EYS: variants seen among roughly 807,000 people sequenced by gnomAD.
The protein encoded by EYS is EGF-like photoreceptor maintenance factor, also known as protein eyes shut homolog.
A neutral mutation model predicts 282.1 loss-of-function variants in EYS; 250 were observed. The ratio of observed to expected loss-of-function variants is 0.89; its 90% CI spans 0.80 to 0.98. The LOEUF is 0.98. EYS is among the 50% of genes least tolerant of loss of function. The pLI is 0.00. For missense variants in EYS, 4,016 were observed against 3,709.0 expected, an observed-to-expected ratio of 1.08 and a Z score of -2.15; for synonymous variants, 1,355 against 1,282.9, an observed-to-expected ratio of 1.06 and a Z score of -1.20.
chr6:64,032,581 T>C (rs1769904884), intron 33 of EYS, among the ~76,000 whole-genome samples: 1 of 152,204 alleles, frequency 6.6e-6, no homozygotes, highest in South Asian at 2.1e-4. Flanking sequence ...ACAAGACTAA[T>C]CCTTGCTTCA....
rs191073648 is a variant in EYS, at chr6:65,150,831, C to T, written c.2024-93104G>A. Among the ~76,000 whole-genome samples the T allele has an allele frequency of 5.8e-4, 88 of 151,892 alleles. 1 individual carries two copies. Among genetic ancestry groups the T allele is most frequent in the Admixed American group, 2.5e-3 (38 of 15,216 alleles). On this transcript the variant is annotated intron_variant, in intron 12 of 42. Transcript: ENST00000503581. ...ATTTATTGTTTAATAATGTTTAATA[C>T]TTATTGATTATTACCAATTCTATCT...
chr6:64,405,754 A>G (rs1773686636), intron 28 of EYS, among the ~76,000 whole-genome samples: 1 of 152,208 alleles, frequency 6.6e-6, no homozygotes, highest in Non-Finnish European at 1.5e-5. Flanking sequence ...TAAAATACCT[A>G]GGATTCAAAC....
intron 14 of EYS, among the ~76,000 whole-genome samples, 184 bp from the exon 15 acceptor site, chr6:64,946,098 A>G (rs1384320542): frequency 6.6e-6 from 1 of 152,060 alleles, no homozygotes; most frequent in Non-Finnish European, 1.5e-5. Flanking sequence ...AGTATTCTTT[A>G]GTATCTAATT....
chr6:63,813,378 T>C (rs1582233243), intron 36 of EYS, among the ~76,000 whole-genome samples: 1 of 152,234 alleles, frequency 6.6e-6, no homozygotes, highest in African/African-American at 2.4e-5. Flanking sequence ...TTGAAAATAA[T>C]GTCTTCTTTA....
chr6:63,727,725 A>ATAT (rs1172717557), intron 41 of EYS, among the ~76,000 whole-genome samples: 18 of 62,684 alleles, frequency 2.9e-4, no homozygotes, highest in African/African-American at 2.2e-3. Context: ...AAAAAAAAAA[A>ATAT]AAAAAAAAAA....
At chr6:64,805,648 G>C (rs1306821672) in intron 22 of EYS, among the ~76,000 whole-genome samples, 2 of 151,250 alleles carry the variant, frequency 1.3e-5, no homozygotes, top group Non-Finnish European at 3.0e-5. Flanking sequence ...AGTTCCAAAA[G>C]TTATGCAAAA....
chr6:63,737,906 C>T (rs1247992095), intron 41 of EYS, among the ~76,000 whole-genome samples: 1 of 151,924 alleles, frequency 6.6e-6, no homozygotes, highest in Non-Finnish European at 1.5e-5. Flanking sequence ...ACAAACAACC[C>T]CATCAAAAAG....
intron 5 of EYS, among the ~76,000 whole-genome samples, chr6:65,461,732 A>T (rs558167849): frequency 1.3e-5 from 2 of 152,108 alleles, no homozygotes; most frequent in African/African-American, 4.8e-5. Context: ...ATTTTATATC[A>T]CAAGCTGCTT....
intron 5 of EYS, among the ~76,000 whole-genome samples, chr6:65,474,970 T>C (rs1315380107): frequency 2.0e-5 from 3 of 151,998 alleles, no homozygotes; most frequent in Non-Finnish European, 2.9e-5. Context: ...AAGAAGAACA[T>C]AGATCAAAGG....
intron 22 of EYS, among the ~76,000 whole-genome samples, chr6:64,704,869 T>C (rs770005191): frequency 1.2e-4 from 18 of 152,038 alleles, no homozygotes; most frequent in Non-Finnish European, 2.2e-4. Flanking sequence ...ACAGCCAAAA[T>C]AGTACTGAAC....
chr6:65,224,892 A>G (rs1322900455), intron 12 of EYS, among the ~76,000 whole-genome samples: 4 of 152,178 alleles, frequency 2.6e-5, no homozygotes, highest in Admixed American at 1.3e-4. Flanking sequence ...GTCCGGACTT[A>G]CCATAGGTAA....
chr6:65,402,624 AT>A lies in EYS; in HGVS notation c.1057-20del, dbSNP rs1766559442. 3.3e-6 allele frequency: 5 copies of A among 1,506,758 alleles called. No individual in the cohort carries two copies. Among genetic ancestry groups the A allele is most frequent in the East Asian group, 2.3e-5 (1 of 44,060 alleles). 93.3% of individuals were successfully genotyped at this position (1,506,758 alleles called of 1,614,324 possible). A position where few individuals can be genotyped will look rare whatever the true frequency, so the allele number is the denominator to read the frequency against. Reference sequence around the variant, plus strand: ...TAACATCCTAGGAAAGATTAAAAAAATATTTTTACAAAGTATTATGGATATT... The same window carrying A: ...TAACATCCTAGGAAAGATTAAAAAAAATTTTTACAAAGTATTATGGATATT... On this transcript the variant is annotated intron_variant, in intron 6 of 42. Transcript: ENST00000503581.
intron 12 of EYS, among the ~76,000 whole-genome samples, chr6:65,057,933 A>C (rs1773465214): frequency 6.6e-6 from 1 of 152,134 alleles, no homozygotes; most frequent in Non-Finnish European, 1.5e-5. Flanking sequence ...AGAATTACTA[A>C]AAGGACACTA....
intron 26 of EYS, among the ~76,000 whole-genome samples, chr6:64,548,937 G>C (rs531297887): frequency 1.3e-4 from 20 of 152,228 alleles, no homozygotes; most frequent in African/African-American, 4.3e-4. Flanking sequence ...TGGAATTCAG[G>C]TAATGTGGGA....
chr6:64,377,434 T>A (rs1031222608), intron 29 of EYS, among the ~76,000 whole-genome samples: 7 of 152,144 alleles, frequency 4.6e-5, no homozygotes, highest in Non-Finnish European at 1.0e-4. Flanking sequence ...TAGCGTAGGT[T>A]TTAAAAGTGT....
chr6:64,726,426 T>C (rs1248778925), intron 22 of EYS, among the ~76,000 whole-genome samples: 4 of 152,176 alleles, frequency 2.6e-5, no homozygotes, highest in African/African-American at 7.2e-5. Flanking sequence ...CTTTTAAATA[T>C]GCAAACATGA....
intron 1 of EYS, among the ~76,000 whole-genome samples, chr6:65,684,363 C>A (rs560749662): frequency 6.6e-6 from 1 of 152,134 alleles, no homozygotes; most frequent in African/African-American, 2.4e-5. Flanking sequence ...AGCTGTGGCA[C>A]TTCCTCTGTC....
At chr6:64,582,701 T>C (rs534565670) in intron 26 of EYS, among the ~76,000 whole-genome samples, 16 of 152,228 alleles carry the variant, frequency 1.1e-4, no homozygotes, top group Middle Eastern at 3.4e-3. Flanking sequence ...CAAAAAAGTT[T>C]GTATTATTAA....
rs1216670038 is a variant in EYS, at chr6:65,466,977, C to T, written c.862+23617G>A. On this transcript the variant is annotated intron_variant, in intron 5 of 42. Coordinates refer to ENST00000503581, the MANE Select transcript of EYS (RefSeq NM_001142800.2). ...CCAGCAGATGCTATATGTAGTTTTA[C>T]AGGTTATACAAAGTAGGCAGGCTCT... Among the ~76,000 whole-genome samples, 6 of 152,174 alleles carry T rather than the reference C, an allele frequency of 3.9e-5. No homozygotes were observed. In the South Asian group the frequency reaches 1.2e-3, roughly 31 times the overall value.
Sources: gnomAD v4.1 joint callset for allele counts (sites outside exome capture counted in the v4.1 genomes callset) on GRCh38, gnomAD v4.1.1 for gene constraint, MANE v1.5 for transcripts, NCBI Gene and HGNC (gene_info 2026-07-23, HGNC 2026-07-21) for gene names.